MAP3K5: variants seen among roughly 807,000 people sequenced by gnomAD.
The protein encoded by MAP3K5 is mitogen-activated protein kinase kinase kinase 5.
MAP3K5 carries 56 observed loss-of-function variants against 158.7 expected under a neutral mutation model. That is an observed-to-expected ratio of 0.35 (90% CI 0.28 to 0.44). The LOEUF is 0.44. Among genes scored for constraint, MAP3K5 ranks in the 20% least tolerant of loss-of-function variants. MAP3K5 has a pLI of 1.00. For synonymous variants in MAP3K5, 579 were observed against 601.7 expected (o/e 0.96, Z 0.55); for missense variants, 1,294 against 1,674.8 (o/e 0.77, Z 3.97).
chr6:136,779,509 C>T (rs1362367086), intron 1 of MAP3K5, among the ~76,000 whole-genome samples: 5 of 150,344 alleles, frequency 3.3e-5, no homozygotes, highest in African/African-American at 1.2e-4. Flanking sequence ...TTAGCACATA[C>T]ACCTAGTACA....
At chr6:136,614,419 T>G in intron 15 of MAP3K5, 133 bp from the exon 16 acceptor site, 23 of 853,760 alleles carry the variant, frequency 2.7e-5, no homozygotes, top group African/African-American at 3.4e-5. Flanking sequence ...TTAAGGCCTT[T>G]ATTTCTCCTA....
rs988762370 is a variant in MAP3K5, at chr6:136,608,863, A to G, written c.2521+2419T>C. Among the ~76,000 whole-genome samples, 70 of 152,220 alleles carry G rather than the reference A, an allele frequency of 4.6e-4. 1 individual carries two copies. Among genetic ancestry groups the G allele is most frequent in the African/African-American group, 1.5e-3 (63 of 41,454 alleles). ...GCCTTTTCCCTCATCAAAATCACCA[A>G]AAGGTGATGCAGACCAATTTATTGA... On this transcript the variant is annotated intron_variant, in intron 18 of 29. Transcript: ENST00000359015.
chr6:136,694,340 T>C, intron 6 of MAP3K5, 30 bp from the exon 7 acceptor site: 2 of 1,567,694 alleles, frequency 1.3e-6, no homozygotes, highest in Non-Finnish European at 1.7e-6. Flanking sequence ...TGTTTCAATA[T>C]ACATTACAGA....
intron 25 of MAP3K5, among the ~76,000 whole-genome samples, 186 bp downstream of exon 25, chr6:136,580,115 A>G (rs1257580691): frequency 6.6e-6 from 1 of 152,234 alleles, no homozygotes; most frequent in African/African-American, 2.4e-5. Flanking sequence ...CCTCATTCTT[A>G]GTAAATATTT....
intron 7 of MAP3K5, among the ~76,000 whole-genome samples, chr6:136,690,796 C>T (rs1036832288): frequency 1.3e-5 from 2 of 151,914 alleles, no homozygotes; most frequent in Non-Finnish European, 1.5e-5. Flanking sequence ...TTATCATTTC[C>T]AGTGCTATAT....
At chr6:136,606,299 C>T (rs1030996082) in intron 18 of MAP3K5, among the ~76,000 whole-genome samples, 2 of 151,900 alleles carry the variant, frequency 1.3e-5, no homozygotes, top group African/African-American at 4.8e-5. Context: ...TGCAGTGAGC[C>T]GAGATCACGC....
intron 7 of MAP3K5, among the ~76,000 whole-genome samples, chr6:136,678,538 GAT>G (rs1779799041): frequency 6.6e-6 from 1 of 152,086 alleles, no homozygotes; most frequent in Non-Finnish European, 1.5e-5. Context: ...TATCTATAAA[GAT>G]AGAGAAATAA....
intron 1 of MAP3K5, among the ~76,000 whole-genome samples, chr6:136,732,414 G>A (rs1242460753): frequency 6.6e-6 from 1 of 152,122 alleles, no homozygotes; most frequent in African/African-American, 2.4e-5. Flanking sequence ...GACAGAGCGA[G>A]GCTCCGTCTC....
intron 7 of MAP3K5, among the ~76,000 whole-genome samples, chr6:136,681,008 T>C (rs1025965652): frequency 2.6e-5 from 4 of 152,328 alleles, no homozygotes; most frequent in African/African-American, 9.6e-5. Flanking sequence ...GCAAGGGGAA[T>C]AGTCACATTA....
chr6:136,618,884 T>A (rs759930271), intron 15 of MAP3K5, among the ~76,000 whole-genome samples: 40 of 152,380 alleles, frequency 2.6e-4, no homozygotes, highest in Non-Finnish European at 5.1e-4. Flanking sequence ...TTTGCTTACC[T>A]AGTATCTATT....
At chr6:136,673,469 G>T (rs1779570543) in intron 7 of MAP3K5, among the ~76,000 whole-genome samples, 2 of 152,056 alleles carry the variant, frequency 1.3e-5, no homozygotes, top group South Asian at 4.1e-4. Context: ...AGGACTTTAA[G>T]ATAATTATGA....
chr6:136,734,344 C>T (rs1048436696), intron 1 of MAP3K5, among the ~76,000 whole-genome samples: 9 of 140,224 alleles, frequency 6.4e-5, no homozygotes, highest in East Asian at 4.3e-4. Context: ...TGCTTGAACA[C>T]GAGAGACGGA....
At position 136,719,190 on chromosome 6, in the gene MAP3K5, T is replaced by A. The variant is rs567017861; in HGVS notation, c.588+1260A>T. On this transcript the variant is annotated intron_variant, in intron 2 of 29. Coordinates refer to ENST00000359015, the MANE Select transcript of MAP3K5 (RefSeq NM_005923.4). ...GATCCTGTCTAAATAAATAAATAAA[T>A]ACATACATACATAAACTTAACCCAA... 6.6e-5 allele frequency among the ~76,000 whole-genome samples: 10 copies of A among 151,992 alleles called. No individual in the cohort carries two copies. In the East Asian group the frequency reaches 1.9e-3, roughly 29 times the overall value.
intron 1 of MAP3K5, 108 bp from the exon 2 acceptor site, chr6:136,720,697 A>G: frequency 9.1e-6 from 7 of 765,986 alleles, no homozygotes. Flanking sequence ...TAAGGAAACG[A>G]TAGGGATTTT....
At chr6:136,619,786 G>A (rs1012383036) in intron 15 of MAP3K5, among the ~76,000 whole-genome samples, 1 of 152,214 alleles carries the variant, frequency 6.6e-6, no homozygotes, top group Non-Finnish European at 1.5e-5. Context: ...AGAAAGAGTA[G>A]AGAGATTCAG....
chr6:136,737,033 G>GTATATATATATATA (rs796790486), intron 1 of MAP3K5, among the ~76,000 whole-genome samples: 2,912 of 111,698 alleles, frequency 0.026, 71 homozygotes, highest in Middle Eastern at 0.051. Context: ...ATATATATGT[G>GTATATATATATATA]TGTGTATATA....
chr6:136,726,499 A>AGTGAGTT (rs1413266924), intron 1 of MAP3K5, among the ~76,000 whole-genome samples: 3 of 152,188 alleles, frequency 2.0e-5, no homozygotes, highest in African/African-American at 7.2e-5. Context: ...AGGCTGAGGC[A>AGTGAGTT]CAAGCATCAC....
At chr6:136,716,023 GTC>G (rs1427217912) in intron 2 of MAP3K5, among the ~76,000 whole-genome samples, 2 of 14,698 alleles carry the variant, frequency 1.4e-4, no homozygotes, top group Non-Finnish European at 2.8e-4. Flanking sequence ...AAGCAAGATC[GTC>G]TCAAAAAAAA....
chr6:136,705,189 C>A, intron 2 of MAP3K5, 56 bp from the exon 3 acceptor site: 1 of 814,924 alleles, frequency 1.2e-6, no homozygotes, highest in East Asian at 2.9e-5. Flanking sequence ...AATAATTCAA[C>A]AACATTTATT....
Sources: allele counts gnomAD v4.1 joint callset (sites outside exome capture counted in the v4.1 genomes callset), GRCh38; gene constraint gnomAD v4.1.1; transcripts MANE v1.5; gene names NCBI Gene and HGNC (gene_info 2026-07-23, HGNC 2026-07-21).